Variants in GPR158 observed in about 807,000 individuals in gnomAD.
GPR158 encodes metabotropic glycine receptor.
A neutral mutation model predicts 78.2 loss-of-function variants in GPR158; 30 were observed. That is an observed-to-expected ratio of 0.38 (90% confidence interval 0.29 to 0.52). The LOEUF (loss-of-function observed/expected upper bound fraction) is 0.52, where lower values mean the gene tolerates loss of function less well. Ranked by LOEUF, GPR158 falls within the 20% of genes least tolerant of loss-of-function variation. GPR158 has a pLI of 0.83. For missense variants in GPR158, 1,463 were observed against 1,523.5 expected, an observed-to-expected ratio of 0.96 and a Z score of 0.66; for synonymous variants, 581 against 591.1, an observed-to-expected ratio of 0.98 and a Z score of 0.25.
At chr10:25,383,280 T>G (rs144489819) in intron 2 of GPR158, among the ~76,000 whole-genome samples, 11 of 152,354 alleles carry the variant, frequency 7.2e-5, no homozygotes, top group African/African-American at 2.4e-4. Flanking sequence ...TAATCTTTCT[T>G]TATGCCTCTG....
At chr10:25,406,575 C>A (rs1459826050) in intron 3 of GPR158, among the ~76,000 whole-genome samples, 2 of 152,028 alleles carry the variant, frequency 1.3e-5, no homozygotes, top group Non-Finnish European at 2.9e-5. Flanking sequence ...GTGGTCAGTG[C>A]TATGAAGTTA....
chr10:25,175,654 GC>G lies in GPR158; in HGVS notation c.237del (p.Met80TrpfsTer15). 1 of 1,611,348 alleles carries G rather than the reference GC, an allele frequency of 6.2e-7. No homozygotes were observed. ...ILAQKLAEEV[P>X]MDVASYLYTG... is the part of the protein sequence containing the mutation. Reference sequence around the variant, plus strand: ...TGGCGCAGAAACTCGCCGAGGAGGTGCCCATGGACGTGGCCTCTTACCTCTA... The same window carrying G: ...TGGCGCAGAAACTCGCCGAGGAGGTGCCATGGACGTGGCCTCTTACCTCTA... On this transcript the variant is annotated frameshift_variant, in exon 1 of 11. Transcript: ENST00000376351. LOFTEE classifies it high-confidence loss of function. The surrounding 1 kb of genome is among the most constrained non-coding windows in gnomAD (Gnocchi z 6.4).
chr10:25,428,164 C>T lies in GPR158; in HGVS notation c.1335+15691C>T, dbSNP rs905127197. On this transcript the variant is annotated intron_variant, in intron 4 of 10. Coordinates refer to ENST00000376351, the MANE Select transcript of GPR158 (RefSeq NM_020752.3). ...TAAGGTAATATTATAAAAGAAACTT[C>T]ATTTTTGTAAAATATTTACTTGTTT... Among the ~76,000 whole-genome samples, 18 of 152,038 alleles carry T rather than the reference C, an allele frequency of 1.2e-4. No individual in the cohort carries two copies. In the East Asian group the frequency reaches 2.9e-3, roughly 24 times the overall value.
intron 1 of GPR158, among the ~76,000 whole-genome samples, chr10:25,202,431 G>A (rs934886705): frequency 6.6e-6 from 1 of 152,128 alleles, no homozygotes; most frequent in African/African-American, 2.4e-5. Context: ...AGGCCCTGGT[G>A]TGTGATGTTC....
intron 5 of GPR158, among the ~76,000 whole-genome samples, chr10:25,478,506 G>A (rs553664600): frequency 1.0e-4 from 15 of 150,604 alleles, no homozygotes; most frequent in Non-Finnish European, 1.8e-4. Flanking sequence ...GTGTGTGTGT[G>A]TGTGTGTGTG....
intron 5 of GPR158, among the ~76,000 whole-genome samples, chr10:25,488,532 AT>A (rs1835762843): frequency 6.6e-6 from 1 of 152,322 alleles, no homozygotes; most frequent in South Asian, 2.1e-4. Context: ...CTCATCTCTG[AT>A]TCTTCCTAGC....
chr10:25,469,594 C>T (rs2130621171), intron 5 of GPR158, among the ~76,000 whole-genome samples: 1 of 152,040 alleles, frequency 6.6e-6, no homozygotes, highest in East Asian at 1.9e-4. Context: ...ACCATCCTGT[C>T]TAACACGGTG....
chr10:25,417,607 A>G (rs901149705), intron 4 of GPR158, among the ~76,000 whole-genome samples: 1 of 152,186 alleles, frequency 6.6e-6, no homozygotes, highest in African/African-American at 2.4e-5. Context: ...TCACTGAGTG[A>G]AACCAAATTC....
At chr10:25,376,540 C>CCATA (rs1386855033) in intron 2 of GPR158, among the ~76,000 whole-genome samples, 8 of 151,596 alleles carry the variant, frequency 5.3e-5, no homozygotes, top group Admixed American at 2.6e-4. Flanking sequence ...GTGATTTAAA[C>CCATA]CATACATATT....
rs141159707 is a variant in GPR158, at chr10:25,361,633, T to G, written c.1009-34278T>G. On this transcript the variant is annotated intron_variant, in intron 2 of 10. Coordinates refer to ENST00000376351, the MANE Select transcript of GPR158 (RefSeq NM_020752.3). ...GTTCTTTTGATAGTAGCTATACTAATGGATGTGAGGTTACATCTCATTGTG... is the reference window on the plus strand; with the variant it reads ...GTTCTTTTGATAGTAGCTATACTAAGGGATGTGAGGTTACATCTCATTGTG... 2.3e-4 allele frequency among the ~76,000 whole-genome samples: 35 copies of G among 152,074 alleles called. 2 individuals carry two copies. In the East Asian group the frequency reaches 6.8e-3, roughly 30 times the overall value.
chr10:25,420,564 CTA>C (rs1834736129), intron 4 of GPR158, among the ~76,000 whole-genome samples: 1 of 152,158 alleles, frequency 6.6e-6, no homozygotes, highest in Admixed American at 6.6e-5. Flanking sequence ...TGCTTTTCCT[CTA>C]TGTTTTCTTC....
At chr10:25,341,615 A>T in intron 2 of GPR158, among the ~76,000 whole-genome samples, 1 of 151,988 alleles carries the variant, frequency 6.6e-6, no homozygotes, top group East Asian at 1.9e-4. Context: ...CCATTACAGT[A>T]TCTGGGCCAC....
At chr10:25,260,743 A>G (rs565076517) in intron 2 of GPR158, among the ~76,000 whole-genome samples, 16 of 152,210 alleles carry the variant, frequency 1.1e-4, no homozygotes, top group South Asian at 2.1e-4. Context: ...TAGCTGATTA[A>G]CACTCAGGCT....
chr10:25,384,291 A>G (rs1834193650), intron 2 of GPR158, among the ~76,000 whole-genome samples: 1 of 152,196 alleles, frequency 6.6e-6, no homozygotes, highest in Admixed American at 6.5e-5. Context: ...AACTAAGCAT[A>G]AGAACTCAAA....
intron 2 of GPR158, among the ~76,000 whole-genome samples, chr10:25,323,008 G>A (rs914632984): frequency 7.2e-4 from 110 of 152,028 alleles, no homozygotes; most frequent in African/African-American, 2.3e-3. Flanking sequence ...CACCATGCCC[G>A]GCTAATTTTT....
intron 2 of GPR158, among the ~76,000 whole-genome samples, chr10:25,288,840 GTA>G (rs1242878113): frequency 6.6e-6 from 1 of 152,204 alleles, no homozygotes; most frequent in East Asian, 1.9e-4. Context: ...CTCAAAGACT[GTA>G]TCTTAAATAT....
chr10:25,553,032 A>G (rs1195605066), intron 6 of GPR158, among the ~76,000 whole-genome samples: 2 of 152,186 alleles, frequency 1.3e-5, no homozygotes, highest in Admixed American at 6.6e-5. Context: ...TTTCACTGCA[A>G]TGCTGTCTCC....
At chr10:25,571,308 C>T (rs1837004832) in intron 6 of GPR158, among the ~76,000 whole-genome samples, 2 of 152,280 alleles carry the variant, frequency 1.3e-5, no homozygotes, top group East Asian at 1.9e-4. Context: ...TAACTTTTCC[C>T]TCTGTCCTGA....
intron 5 of GPR158, among the ~76,000 whole-genome samples, chr10:25,485,484 G>C (rs1488086066): frequency 6.6e-6 from 1 of 152,008 alleles, no homozygotes; most frequent in Admixed American, 6.6e-5. Context: ...AAAATCAGAA[G>C]GGGCAATGTG....
Sources: allele counts gnomAD v4.1 joint callset (sites outside exome capture counted in the v4.1 genomes callset), GRCh38; gene constraint gnomAD v4.1.1; non-coding constraint Gnocchi (gnomAD v3.1); transcripts MANE v1.5; gene names NCBI Gene and HGNC (gene_info 2026-07-23, HGNC 2026-07-21).